MYL4: variants seen among roughly 807,000 people sequenced by gnomAD.
The protein encoded by MYL4 is atrial myosin light chain 1.
MYL4 carries 16 observed loss-of-function variants against 21.6 expected under a neutral mutation model. The observed-to-expected ratio is 0.74, with a 90% CI of 0.50 to 1.12. The LOEUF (loss-of-function observed/expected upper bound fraction) is 1.12, where lower values mean the gene tolerates loss of function less well. Among genes scored for constraint, MYL4 ranks in the 50% most tolerant of loss-of-function variants. The pLI is 0.00. For synonymous variants in MYL4, 82 were observed against 95.7 expected (o/e 0.86, Z 0.83); for missense variants, 249 against 252.9 (o/e 0.98, Z 0.11).
chr17:47,214,857 G>C (rs1195113625), intron 2 of MYL4, among the ~76,000 whole-genome samples: 1 of 151,954 alleles, frequency 6.6e-6, no homozygotes, highest in African/African-American at 2.4e-5. Context: ...ACAGTATTTG[G>C]ATATCTTTTC....
chr17:47,208,550 TACAC>T (rs55886095), upstream of MYL4, among the ~76,000 whole-genome samples: 7,364 of 145,848 alleles, frequency 0.05, 208 homozygotes, highest in Middle Eastern at 0.13. Flanking sequence ...TAGTAAGCAC[TACAC>T]ACACACACAC....
chr17:47,196,414 A>G (rs1424873253), upstream of MYL4, among the ~76,000 whole-genome samples: 1 of 152,226 alleles, frequency 6.6e-6, no homozygotes, highest in Non-Finnish European at 1.5e-5. Flanking sequence ...TGGCAAGCCC[A>G]GGTAGACTTA....
At position 47,223,058 on chromosome 17, in the gene MYL4, G is replaced by A. The variant is rs1210187021; in HGVS notation, c.*15+1G>A. On this transcript the variant is annotated splice_donor_variant, in intron 6 of 6. Coordinates refer to ENST00000393450, the MANE Select transcript of MYL4 (RefSeq NM_002476.2). LOFTEE classifies it low-confidence loss of function (3UTR_SPLICE). ...GTCAGGGTGAAGCAGAGTCTTCCAG[G>A]TGAGTGCAGCCTCTCCCTCCTGGTC... 22 of 1,613,992 alleles carry A rather than the reference G, an allele frequency of 1.4e-5. No individual in the cohort carries two copies. The highest frequency in any genetic ancestry group is 1.8e-5 in the Non-Finnish European group (21 of 1,180,006).
the MYL4 span, among the ~76,000 whole-genome samples, chr17:47,193,097 T>C: frequency 6.6e-6 from 1 of 152,084 alleles, no homozygotes; most frequent in East Asian, 1.9e-4. Flanking sequence ...GTCCTCCTTG[T>C]CTGTACCCTT....
At chr17:47,202,164 TTAGTAGAGAAGGGGTTTCACCA>T (rs1456675872) in intron 1 of MYL4, among the ~76,000 whole-genome samples, 1 of 152,064 alleles carries the variant, frequency 6.6e-6, no homozygotes, top group East Asian at 1.9e-4. Flanking sequence ...TTTTGTATTT[TTAGTAGAGAAGGGGTTTCACCA>T]TGTTGGCCAG....
downstream of MYL4, among the ~76,000 whole-genome samples, chr17:47,226,833 T>C (rs2064887520): frequency 6.6e-6 from 1 of 152,194 alleles, no homozygotes; most frequent in Non-Finnish European, 1.5e-5. Flanking sequence ...GAGAGAATAG[T>C]TCAGGAAGCA....
downstream of MYL4, among the ~76,000 whole-genome samples, chr17:47,225,274 G>C (rs950699178): frequency 1.6e-4 from 25 of 152,220 alleles, no homozygotes; most frequent in African/African-American, 4.8e-4. Flanking sequence ...TTGTTTCCCA[G>C]ATTTTCTTTG....
At chr17:47,189,492 A>T in the MYL4 span, 4 of 441,106 alleles carry the variant, frequency 9.1e-6, no homozygotes, top group Admixed American at 6.9e-5. Flanking sequence ...CTTCTCAGCC[A>T]CGCCTTCAGC....
downstream of MYL4, among the ~76,000 whole-genome samples, chr17:47,225,466 T>C (rs115524071): frequency 5.8e-4 from 89 of 152,350 alleles, no homozygotes; most frequent in African/African-American, 2.1e-3. Context: ...AGAGTTTCTC[T>C]GGCTGAGGAG....
chr17:47,222,090 A>C (rs2064860961), intron 4 of MYL4, among the ~76,000 whole-genome samples: 1 of 152,140 alleles, frequency 6.6e-6, no homozygotes. Context: ...TTGGCAGAGC[A>C]GGGCTTACTA....
At chr17:47,220,158 CT>C in intron 3 of MYL4, 105 bp downstream of exon 3, 1 of 1,385,076 alleles carries the variant, frequency 7.2e-7, no homozygotes, top group East Asian at 2.5e-5. Context: ...TCTTCTCCTG[CT>C]TTAGCCCCTC....
intron 1 of MYL4, among the ~76,000 whole-genome samples, chr17:47,202,095 C>T (rs1006788455): frequency 1.3e-5 from 2 of 152,174 alleles, no homozygotes; most frequent in Non-Finnish European, 2.9e-5. Context: ...AAGTGATTCT[C>T]CTGCCTCAGC....
Position 47,222,994 on chromosome 17 carries a change from G to A in MYL4, c.566-20G>A, listed in dbSNP as rs2064868017. ...AGAGGCGCTGAGCCACATGGTGGCT[G>A]ATTTTCACTTTTTTCCTAGCCTTTG... On this transcript the variant is annotated intron_variant, in intron 5 of 6. Coordinates refer to ENST00000393450, the MANE Select transcript of MYL4 (RefSeq NM_002476.2). 1 of 1,614,170 alleles carries A rather than the reference G, an allele frequency of 6.2e-7. No homozygotes were observed. The highest frequency in any genetic ancestry group is 8.5e-7 in the Non-Finnish European group (1 of 1,180,016).
the MYL4 span, among the ~76,000 whole-genome samples, chr17:47,194,496 G>T: frequency 1.3e-5 from 2 of 152,226 alleles, no homozygotes; most frequent in Admixed American, 6.5e-5. Flanking sequence ...TGCCAAAGTG[G>T]CATATATCAG....
chr17:47,198,829 A>T (rs1018393119), upstream of MYL4, among the ~76,000 whole-genome samples: 28 of 152,114 alleles, frequency 1.8e-4, no homozygotes, highest in Middle Eastern at 3.4e-3. Context: ...CAAAAAAAAT[A>T]AAAAAAACTA....
At position 47,221,666 on chromosome 17, in the gene MYL4, C is replaced by T. The variant is rs770647651; in HGVS notation, c.314-16C>T. On this transcript the variant is annotated splice_polypyrimidine_tract_variant and intron_variant, in intron 3 of 6. Coordinates refer to ENST00000393450, the MANE Select transcript of MYL4 (RefSeq NM_002476.2). ...GCTCACATTGATTTCTCTTTCTTTA[C>T]CCTGCCTGCCTGAAGAGATGAATGT... 2.5e-6 allele frequency: 4 copies of T among 1,605,532 alleles called. No homozygotes were observed. The highest frequency in any genetic ancestry group is 2.7e-5 in the African/African-American group (2 of 74,830).
chr17:47,200,560 T>A (rs955775076), exon 1 of MYL4: 1 of 152,268 alleles, frequency 6.6e-6, no homozygotes, highest in Admixed American at 6.5e-5. Flanking sequence ...TGTTAGCATA[T>A]CTGGGATGAT....
At chr17:47,194,319 C>T in the MYL4 span, among the ~76,000 whole-genome samples, 1 of 152,336 alleles carries the variant, frequency 6.6e-6, no homozygotes, top group African/African-American at 2.4e-5. Context: ...GATTTATTCC[C>T]AGCCTCAGCT....
intron 3 of MYL4, among the ~76,000 whole-genome samples, chr17:47,221,194 A>G (rs1193632496): frequency 6.6e-6 from 1 of 152,238 alleles, no homozygotes; most frequent in Non-Finnish European, 1.5e-5. Flanking sequence ...GATTCAGAGT[A>G]GCTTCAAGCT....
Sources: gnomAD v4.1 joint callset for allele counts (sites outside exome capture counted in the v4.1 genomes callset) on GRCh38, gnomAD v4.1.1 for gene constraint, MANE v1.5 for transcripts, NCBI Gene and HGNC (gene_info 2026-07-23, HGNC 2026-07-21) for gene names.